Variants in CADPS2 observed in about 807,000 individuals in gnomAD.
CADPS2 encodes calcium dependent secretion activator 2.
CADPS2 carries 93 observed loss-of-function variants against 172.5 expected under a neutral mutation model. The observed-to-expected ratio is 0.54, with a 90% CI of 0.46 to 0.64. The LOEUF is 0.64. CADPS2 is among the 30% of genes least tolerant of loss of function. The pLI is 0.00. For missense variants in CADPS2, 1,420 were observed against 1,565.9 expected (o/e 0.91, Z 1.57); for synonymous variants, 546 against 555.2 (o/e 0.98, Z 0.23).
intron 9 of CADPS2, among the ~76,000 whole-genome samples, chr7:122,500,764 T>C (rs887805322): frequency 6.6e-6 from 1 of 152,198 alleles, no homozygotes. Flanking sequence ...GGAGTTATTA[T>C]TCCCATTACA....
Position 122,536,201 on chromosome 7 carries a change from T to C in CADPS2, c.1475+18349A>G, listed in dbSNP as rs2062252032. Among the ~76,000 whole-genome samples the C allele has an allele frequency of 4.6e-5, 7 of 152,214 alleles. No homozygotes were observed. The South Asian group carries it at 1.5e-3, about 32-fold the overall frequency. On this transcript the variant is annotated intron_variant, in intron 8 of 29. Coordinates refer to ENST00000449022, the MANE Select transcript of CADPS2 (RefSeq NM_017954.11). Reference sequence around the variant, plus strand: ...GTTGTAGAATAGTTATAAATTATAGTTACTGAATAATGAACAGACTAGAAA... The same window carrying C: ...GTTGTAGAATAGTTATAAATTATAGCTACTGAATAATGAACAGACTAGAAA...
intron 2 of CADPS2, among the ~76,000 whole-genome samples, chr7:122,703,891 TAAA>T: frequency 6.6e-6 from 1 of 152,234 alleles, no homozygotes. Context: ...GCCACAATGA[TAAA>T]AAATCACTAC....
chr7:122,474,510 A>G lies in CADPS2; in HGVS notation c.1869T>C (p.Asp623=), dbSNP rs1443605635. 6.2e-7 allele frequency: 1 copy of G among 1,612,662 alleles called. No homozygotes were observed. Among genetic ancestry groups the G allele is most frequent in the South Asian group, 1.1e-5 (1 of 91,002 alleles). Residue 623 remains aspartate (D), a synonymous_variant, in exon 13 of 30, where the codon GAT becomes GAC. Transcript: ENST00000449022. ...CATCCATACCATGTTTCTGAAAACG[A>G]TCTGCATCTGTAAATTCAGGAAAGC... is the stretch of plus-strand genomic sequence containing the variant. ...ADAQLSGKDA[D]RFQKHGMDEF...
intron 17 of CADPS2, among the ~76,000 whole-genome samples, chr7:122,437,723 T>C (rs577750825): frequency 6.6e-6 from 1 of 152,138 alleles, no homozygotes; most frequent in Non-Finnish European, 1.5e-5. Flanking sequence ...TAAAAGCTGA[T>C]TTTGTGACTT....
chr7:122,650,714 G>A (rs1294025140), intron 3 of CADPS2, among the ~76,000 whole-genome samples: 2 of 152,020 alleles, frequency 1.3e-5, no homozygotes, highest in Admixed American at 1.3e-4. Flanking sequence ...CAGCCAAATG[G>A]AGCAACACTA....
intron 1 of CADPS2, chr7:122,849,733 C>A (rs963879082): frequency 7.6e-6 from 3 of 392,750 alleles, no homozygotes; most frequent in African/African-American, 4.4e-5. Context: ...AATACTATTT[C>A]TCAGTAGAAG....
intron 14 of CADPS2, among the ~76,000 whole-genome samples, 165 bp downstream of exon 14, chr7:122,471,210 T>C (rs771095217): frequency 5.3e-5 from 8 of 151,674 alleles, no homozygotes; most frequent in Admixed American, 6.6e-5. Context: ...CCTAAATCAA[T>C]AGCATATTGA....
chr7:122,698,634 T>C (rs2085526616), intron 2 of CADPS2: 6 of 1,614,106 alleles, frequency 3.7e-6, no homozygotes, highest in Non-Finnish European at 5.1e-6. Context: ...CTGAGTACTT[T>C]GATCGGCTGA....
intron 7 of CADPS2, among the ~76,000 whole-genome samples, chr7:122,559,012 A>G (rs1296221986): frequency 6.6e-6 from 1 of 152,178 alleles, no homozygotes; most frequent in Non-Finnish European, 1.5e-5. Context: ...GCTTAGAGAA[A>G]GGAAAAAAGA....
At chr7:122,847,835 A>G (rs890719396) in intron 1 of CADPS2, among the ~76,000 whole-genome samples, 5 of 152,356 alleles carry the variant, frequency 3.3e-5, no homozygotes, top group African/African-American at 1.2e-4. Context: ...AAAAAATACA[A>G]TAGGAGTAGC....
intron 7 of CADPS2, among the ~76,000 whole-genome samples, chr7:122,570,120 C>T (rs1196041506): frequency 9.4e-5 from 14 of 148,870 alleles, no homozygotes; most frequent in East Asian, 3.9e-4. Context: ...AGAAAATTTT[C>T]GCAACCTACT....
At chr7:122,689,854 A>C (rs1025665311) in intron 2 of CADPS2, among the ~76,000 whole-genome samples, 2 of 152,182 alleles carry the variant, frequency 1.3e-5, no homozygotes, top group African/African-American at 4.8e-5. Flanking sequence ...CAATGGGGGC[A>C]CCACGTGTTC....
chr7:122,537,907 A>G (rs1489796670), intron 8 of CADPS2, among the ~76,000 whole-genome samples: 2 of 151,858 alleles, frequency 1.3e-5, no homozygotes, highest in African/African-American at 4.8e-5. Context: ...AAGATTTTAA[A>G]TAATATTAAT....
At chr7:122,487,877 T>C (rs1237187916) in intron 11 of CADPS2, among the ~76,000 whole-genome samples, 2 of 152,082 alleles carry the variant, frequency 1.3e-5, no homozygotes, top group African/African-American at 4.8e-5. Context: ...AAGAATGAGA[T>C]TAGATGTATT....
intron 8 of CADPS2, among the ~76,000 whole-genome samples, chr7:122,519,701 T>A (rs74408034): frequency 0.17 from 25,670 of 151,950 alleles, 2,978 homozygotes; most frequent in Middle Eastern, 0.26. Flanking sequence ...CAGCTATCCT[T>A]AGGTCACACT....
chr7:122,504,860 A>C (rs1359276710), intron 9 of CADPS2, among the ~76,000 whole-genome samples: 1 of 152,170 alleles, frequency 6.6e-6, no homozygotes, highest in Non-Finnish European at 1.5e-5. Flanking sequence ...CACCATGCCC[A>C]GTCCGTTTTC....
At chr7:122,506,612 T>A (rs2059624429) in intron 9 of CADPS2, among the ~76,000 whole-genome samples, 1 of 152,112 alleles carries the variant, frequency 6.6e-6, no homozygotes, top group South Asian at 2.1e-4. Context: ...TGCAGGGATG[T>A]TAACAGCTGG....
chr7:122,721,429 G>A (rs909108007), intron 2 of CADPS2, among the ~76,000 whole-genome samples: 3 of 152,060 alleles, frequency 2.0e-5, no homozygotes, highest in African/African-American at 7.2e-5. Context: ...AAATAAACTA[G>A]AAAATCTAGA....
At chr7:122,881,143 A>C (rs1822824664) in intron 1 of CADPS2, among the ~76,000 whole-genome samples, 1 of 152,226 alleles carries the variant, frequency 6.6e-6, no homozygotes, top group Admixed American at 6.5e-5. Flanking sequence ...TAATGACCTT[A>C]CAAACTGTGT....
Sources: gnomAD v4.1 joint callset for allele counts (sites outside exome capture counted in the v4.1 genomes callset) on GRCh38, gnomAD v4.1.1 for gene constraint, MANE v1.5 for transcripts, NCBI Gene and HGNC (gene_info 2026-07-23, HGNC 2026-07-21) for gene names.